ATN1: variants seen among roughly 807,000 people sequenced by gnomAD.
ATN1 encodes atrophin 1, also known as atrophin-1.
Under a neutral mutation model 85.8 loss-of-function variants are expected in ATN1, and 19 were observed. That is an observed-to-expected ratio of 0.22 (90% CI 0.15 to 0.32). The LOEUF (loss-of-function observed/expected upper bound fraction) is 0.32, where lower values mean the gene tolerates loss of function less well. Ranked by LOEUF, ATN1 falls within the 10% of genes least tolerant of loss-of-function variation. The pLI is 1.00. For synonymous variants in ATN1, 674 were observed against 657.0 expected (o/e 1.03, Z -0.39); for missense variants, 1,453 against 1,564.5 (o/e 0.93, Z 1.20).
At position 6,937,388 on chromosome 12, in the gene ATN1, G is replaced by T; in HGVS notation, c.2121G>T (p.Ser707=). ...CTGCGGGGCCCTCAGGCCTGCCATC[G>T]CTGCCACCACCACCTGCGGCCCCTG... is the stretch of plus-strand genomic sequence containing the variant. ...LPPAGPSGLP[S]LPPPPAAPAS... is the part of the protein sequence containing the mutation. The change falls in exon 5 of 10, where the codon TCG becomes TCT. Residue 707 remains serine (S), a synonymous_variant. Transcript: ENST00000396684. The surrounding 1 kb of genome is among the most constrained non-coding windows in gnomAD (Gnocchi z 6.0). 6.5e-7 allele frequency: 1 copy of T among 1,548,962 alleles called. No homozygotes were observed.
upstream of ATN1, among the ~76,000 whole-genome samples, chr12:6,927,477 C>T (rs1220966413): frequency 6.6e-6 from 1 of 151,934 alleles, no homozygotes; most frequent in Non-Finnish European, 1.5e-5. Flanking sequence ...CGCTCGCCCC[C>T]AAACTTCAGC....
At position 6,937,910 on chromosome 12, in the gene ATN1, T is replaced by G; in HGVS notation, c.2360T>G (p.Leu787Arg). 6.3e-7 allele frequency: 1 copy of G among 1,597,326 alleles called. No individual in the cohort carries two copies. Among genetic ancestry groups the G allele is most frequent in the Non-Finnish European group, 8.5e-7 (1 of 1,172,670 alleles). ...CARSDLYFVP[L>R]EGSKLAKKRA... ...CGCAGCGACCTGTACTTCGTGCCACTGGAGGGCTCCAAGCTGGCCAAGAAG... is the reference window on the plus strand; with the variant it reads ...CGCAGCGACCTGTACTTCGTGCCACGGGAGGGCTCCAAGCTGGCCAAGAAG... Residue 787 changes from leucine (L) to arginine (R), a missense_variant, in exon 6 of 10, where the codon CTG becomes CGG. This residue lies in a region of ATN1 where 990 missense variants were observed against 914.8 expected (regional missense o/e 1.08). Transcript: ENST00000396684. This position sits in a 1 kb window ranked among gnomAD's most constrained non-coding sequence, Gnocchi z 6.0.
At chr12:6,927,856 G>A (rs1272153410), upstream of ATN1, among the ~76,000 whole-genome samples, 1 of 151,856 alleles carries the variant, frequency 6.6e-6, no homozygotes, top group Middle Eastern at 3.4e-3. Flanking sequence ...GCCCCGCGCC[G>A]GGTCGGGGCC....
chr12:6,927,159 CTT>C (rs372203526), upstream of ATN1, among the ~76,000 whole-genome samples: 23 of 146,316 alleles, frequency 1.6e-4, no homozygotes, highest in South Asian at 4.6e-4. Context: ...ATTTATGACT[CTT>C]TTGTCAACAC....
rs781916549 is a variant in ATN1 at position 6,937,333 on chromosome 12, C to T, written c.2066C>T (p.Ser689Leu). Reference sequence around the variant, plus strand: ...GGCCCAGGGACCTTCAAGCCGGGCTCGCCCACCGTGGGACCTGGGCCCCTG... The same window carrying T: ...GGCCCAGGGACCTTCAAGCCGGGCTTGCCCACCGTGGGACCTGGGCCCCTG... ...PAGPGTFKPG[S>L]PTVGPGPLPP... Residue 689 changes from serine to leucine, a missense_variant, in exon 5 of 10, where the codon TCG becomes TTG. This residue lies in a region of ATN1 where 990 missense variants were observed against 914.8 expected (regional missense o/e 1.08). Coordinates refer to ENST00000396684, the MANE Select transcript of ATN1 (RefSeq NM_001940.4). The surrounding 1 kb of genome is among the most constrained non-coding windows in gnomAD (Gnocchi z 6.0). 13 of 1,559,626 alleles carry T rather than the reference C, an allele frequency of 8.3e-6. No homozygotes were observed. The highest frequency in any genetic ancestry group is 2.7e-5 in the African/African-American group (2 of 73,248).
Position 6,937,536 on chromosome 12 carries a change from C to G in ATN1, c.2269C>G (p.Pro757Ala). The change falls in exon 5 of 10, where the codon CCC becomes GCC. Residue 757 changes from proline to alanine, a missense_variant. Physicochemically the swap from Pro to Ala is conservative, Grantham distance 27. Around this residue, in one of 6 missense-constraint regions of ATN1, gnomAD observed 990 missense variants for 914.8 expected, o/e 1.08. Transcript: ENST00000396684. This position sits in a 1 kb window ranked among gnomAD's most constrained non-coding sequence, Gnocchi z 6.0. ...GCCCCCTCCCAAGGTGGTAGATGTA[C>G]CCAGCCATGCCAGTCAGTCTGCCAG... ...PSPPPKVVDV[P>A]SHASQSARFN... The G allele has an allele frequency of 2.6e-6, 4 of 1,515,936 alleles. No individual in the cohort carries two copies. Among genetic ancestry groups the G allele is most frequent in the Non-Finnish European group, 3.5e-6 (4 of 1,131,800 alleles). The allele number at this position is 1,515,936 out of a possible 1,614,324, so 93.9% of individuals were successfully genotyped here.
chr12:6,936,681 G>C lies in ATN1; in HGVS notation c.1414G>C (p.Ala472Pro). 6.2e-7 allele frequency: 1 copy of C among 1,612,362 alleles called. No individual in the cohort carries two copies. Among genetic ancestry groups the C allele is most frequent in the Non-Finnish European group, 8.5e-7 (1 of 1,179,548 alleles). Residue 472 changes from alanine to proline, a missense_variant, in exon 5 of 10, where the codon GCC becomes CCC. By Grantham distance (27) the Ala-to-Pro change is conservative. Transcript: ENST00000396684. ...TCCCTCTACTGGGGCCCAGTCCACC[G>C]CCCACCCACCAGTCTCAACACATCA... ...FPPSTGAQST[A>P]HPPVSTHHHH...
chr12:6,929,897 T>C (rs1374514478), intron 1 of ATN1, among the ~76,000 whole-genome samples: 1 of 152,250 alleles, frequency 6.6e-6, no homozygotes, highest in East Asian at 1.9e-4. Flanking sequence ...CTTGAATTCC[T>C]CTTTGAGCCT....
intron 7 of ATN1, among the ~76,000 whole-genome samples, chr12:6,939,586 C>T (rs1328543908): frequency 6.6e-6 from 1 of 152,200 alleles, no homozygotes; most frequent in Non-Finnish European, 1.5e-5. Flanking sequence ...ACTGCAGCCT[C>T]GACTTCCCGG....
At position 6,933,881 on chromosome 12, in the gene ATN1, C is replaced by CA; in HGVS notation, c.-120dup. ...ATCCTGCAAAAGTTCCAGGTGCCCACACTGGAAACTTGGAGATCCTGCTTC... is the reference window on the plus strand; with the variant it reads ...ATCCTGCAAAAGTTCCAGGTGCCCACAACTGGAAACTTGGAGATCCTGCTTC... On this transcript the variant is annotated 5_prime_UTR_variant, in exon 2 of 10. Coordinates refer to ENST00000396684, the MANE Select transcript of ATN1 (RefSeq NM_001940.4). The CA allele has an allele frequency of 9.0e-6, 11 of 1,228,844 alleles. No homozygotes were observed. In the South Asian group the frequency reaches 1.5e-4, roughly 16 times the overall value. 76.1% of individuals were successfully genotyped at this position (1,228,844 alleles called of 1,614,324 possible).
rs782110449 is a variant in ATN1, at chr12:6,934,153, C to T, written c.28-23C>T. 6 of 1,613,586 alleles carry T rather than the reference C, an allele frequency of 3.7e-6. No individual in the cohort carries two copies. Among genetic ancestry groups the T allele is most frequent in the Non-Finnish European group, 5.1e-6 (6 of 1,179,862 alleles). On this transcript the variant is annotated intron_variant, in intron 2 of 9. Transcript: ENST00000396684. The surrounding 1 kb of genome is among the most constrained non-coding windows in gnomAD (Gnocchi z 4.5). ...GGTGCAATGTAAAGAACAGTGTTAC[C>T]TACCTCCTTCCTCCTCCTGTAGATG...
rs782757203 is a variant in ATN1, at chr12:6,936,757, AG to A, written c.1491del (p.Gln497HisfsTer43). On this transcript the variant is annotated frameshift_variant, in exon 5 of 10. Transcript: ENST00000396684. LOFTEE classifies it high-confidence loss of function. ...CAGCAGCAGCAGCAGCAGCAGCAGCAGCAGCAGCAGCAGCAGCATCACGGAA... is the reference window on the plus strand; with the variant it reads ...CAGCAGCAGCAGCAGCAGCAGCAGCACAGCAGCAGCAGCAGCATCACGGAA... ...QQQQQQQQQQ[Q>X]QQQQQHHGNS... is the part of the protein sequence containing the mutation. 205 of 1,603,076 alleles carry A rather than the reference AG, an allele frequency of 1.3e-4. No individual in the cohort carries two copies. The East Asian group carries it at 4.6e-3, about 36-fold the overall frequency.
chr12:6,937,563 T>C lies in ATN1; in HGVS notation c.2294+2T>C. ...CAGCCATGCCAGTCAGTCTGCCAGGTGAGCGGCCAGGTGGGGCGGAGGTGG... is the reference window on the plus strand; with the variant it reads ...CAGCCATGCCAGTCAGTCTGCCAGGCGAGCGGCCAGGTGGGGCGGAGGTGG... On this transcript the variant is annotated splice_donor_variant, in intron 5 of 9. Coordinates refer to ENST00000396684, the MANE Select transcript of ATN1 (RefSeq NM_001940.4). LOFTEE classifies it high-confidence loss of function. The surrounding 1 kb of genome is among the most constrained non-coding windows in gnomAD (Gnocchi z 6.0). 1 of 1,492,374 alleles carries C rather than the reference T, an allele frequency of 6.7e-7. No individual in the cohort carries two copies. 92.4% of individuals were successfully genotyped at this position (1,492,374 alleles called of 1,614,324 possible).
At chr12:6,929,147 T>C (rs1332519855) in intron 1 of ATN1, among the ~76,000 whole-genome samples, 1 of 151,674 alleles carries the variant, frequency 6.6e-6, no homozygotes, top group Non-Finnish European at 1.5e-5. Context: ...CCAAAACTAG[T>C]GAGGAGGAAA....
Position 6,941,876 on chromosome 12 carries a change from A to G in ATN1, c.*96A>G. On this transcript the variant is annotated 3_prime_UTR_variant, in exon 10 of 10. Transcript: ENST00000396684. The surrounding 1 kb of genome is among the most constrained non-coding windows in gnomAD (Gnocchi z 5.9). The stretch of plus-strand genomic sequence containing the variant: ...GCCCTTGGCCTGCCACCCAGAGCCA[A>G]GAGGGTGCTGCTCAGTTGCAGGGCC... 1 of 1,299,796 alleles carries G rather than the reference A, an allele frequency of 7.7e-7. No homozygotes were observed. Among genetic ancestry groups the G allele is most frequent in the East Asian group, 2.3e-5 (1 of 43,464 alleles). The allele number at this position is 1,299,796 out of a possible 1,614,324, so 80.5% of individuals were successfully genotyped here.
chr12:6,927,838 C>T (rs1409793392), upstream of ATN1, among the ~76,000 whole-genome samples: 4 of 151,746 alleles, frequency 2.6e-5, no homozygotes, highest in Non-Finnish European at 5.9e-5. Flanking sequence ...CCGCCCAGCC[C>T]GTCCGCAGCC....
rs1156427953 is a variant in ATN1 at position 6,939,003 on chromosome 12, G to C, written c.3040G>C (p.Asp1014His). 6.2e-7 allele frequency: 1 copy of C among 1,612,394 alleles called. No homozygotes were observed. Among genetic ancestry groups the C allele is most frequent in the East Asian group, 2.2e-5 (1 of 44,894 alleles). The change falls in exon 7 of 10, where the codon GAC becomes CAC. Residue 1014 changes from aspartate to histidine, a missense_variant. Asp to His is a moderately conservative substitution (Grantham distance 81). Coordinates refer to ENST00000396684, the MANE Select transcript of ATN1 (RefSeq NM_001940.4). ...ALAAGPALRP[D>H]MSYAERLAAE... Reference sequence around the variant, plus strand: ...GGCAGCTGGGCCAGCCCTGCGGCCTGACATGTCCTATGCTGAGCGGCTGGC... The same window carrying C: ...GGCAGCTGGGCCAGCCCTGCGGCCTCACATGTCCTATGCTGAGCGGCTGGC...
rs782425213 is a variant in ATN1, at chr12:6,936,740, G to C, written c.1473G>C (p.Gln491His). Residue 491 changes from glutamine to histidine, a missense_variant, in exon 5 of 10, where the codon CAG becomes CAC. Gln to His is a conservative substitution (Grantham distance 24). This residue lies in a region of ATN1 where 990 missense variants were observed against 914.8 expected (regional missense o/e 1.08). Transcript: ENST00000396684. ...HHHQQQQQQQ[Q>H]QQQQQQQQQQ... is the part of the protein sequence containing the mutation. ...ACCAGCAACAGCAACAGCAGCAGCA[G>C]CAGCAGCAGCAGCAGCAGCAGCAGC... 1 of 883,412 alleles carries C rather than the reference G, an allele frequency of 1.1e-6. No individual in the cohort carries two copies. The highest frequency in any genetic ancestry group is 1.5e-6 in the Non-Finnish European group (1 of 645,922). 54.7% of individuals were successfully genotyped at this position (883,412 alleles called of 1,614,324 possible). A position where few individuals can be genotyped will look rare whatever the true frequency, so the allele number is the denominator to read the frequency against.
chr12:6,936,743 G>GCAGCAA lies in ATN1; in HGVS notation c.1481_1482insACAGCA (p.Gln501_Gln502dup). Reference sequence around the variant, plus strand: ...AGCAACAGCAACAGCAGCAGCAGCAGCAGCAGCAGCAGCAGCAGCAGCAGC... The same window carrying GCAGCAA: ...AGCAACAGCAACAGCAGCAGCAGCAGCAGCAACAGCAGCAGCAGCAGCAGCAGCAGC... On this transcript the variant is annotated inframe_insertion, in exon 5 of 10. Coordinates refer to ENST00000396684, the MANE Select transcript of ATN1 (RefSeq NM_001940.4). 1 of 937,160 alleles carries GCAGCAA rather than the reference G, an allele frequency of 1.1e-6. No homozygotes were observed. The allele number at this position is 937,160 out of a possible 1,614,324, so 58.1% of individuals were successfully genotyped here. A position where few individuals can be genotyped will look rare whatever the true frequency, so the allele number is the denominator to read the frequency against.
Sources: gnomAD v4.1 joint callset for allele counts (sites outside exome capture counted in the v4.1 genomes callset) on GRCh38, gnomAD v4.1.1 for gene constraint, gnomAD v4.1.1 regional missense constraint, Gnocchi (gnomAD v3.1) non-coding constraint, MANE v1.5 for transcripts, NCBI Gene and HGNC (gene_info 2026-07-23, HGNC 2026-07-21) for gene names.